SLC39A12: variants seen among roughly 807,000 people sequenced by gnomAD.
SLC39A12 encodes the protein zinc transporter ZIP12.
SLC39A12 carries 63 observed loss-of-function variants against 71.1 expected under a neutral mutation model. The ratio of observed to expected loss-of-function variants is 0.89; its 90% CI spans 0.72 to 1.09. The LOEUF is 1.09. Ranked by LOEUF, SLC39A12 falls within the 50% of genes least tolerant of loss-of-function variation. The pLI is 0.00. For synonymous variants in SLC39A12, 351 were observed against 301.3 expected, an observed-to-expected ratio of 1.16 and a Z score of -1.71; for missense variants, 892 against 812.6, an observed-to-expected ratio of 1.10 and a Z score of -1.19.
intron 7 of SLC39A12, among the ~76,000 whole-genome samples, chr10:17,987,928 C>T (rs920935437): frequency 3.9e-5 from 6 of 152,100 alleles, no homozygotes; most frequent in African/African-American, 1.4e-4. Flanking sequence ...AATCCCAGTA[C>T]CATGGAAGGC....
Position 18,013,578 on chromosome 10 carries a change from C to T in SLC39A12, c.1947+10220C>T, listed in dbSNP as rs559122084. Among the ~76,000 whole-genome samples, 12 of 152,150 alleles carry T rather than the reference C, an allele frequency of 7.9e-5. No individual in the cohort carries two copies. In the East Asian group the frequency reaches 2.1e-3, roughly 27 times the overall value. On this transcript the variant is annotated intron_variant, in intron 12 of 12. Transcript: ENST00000377369. Reference sequence around the variant, plus strand: ...GTACATATGGCATGTCACTATGTTGCCCAGGCTTGTCTTGAACTCTTGGCT... The same window carrying T: ...GTACATATGGCATGTCACTATGTTGTCCAGGCTTGTCTTGAACTCTTGGCT...
At chr10:17,981,706 C>T (rs1041503599) in intron 6 of SLC39A12, among the ~76,000 whole-genome samples, 3 of 152,202 alleles carry the variant, frequency 2.0e-5, no homozygotes, top group African/African-American at 7.2e-5. Context: ...CAAGGACACA[C>T]AGCTGGGAAG....
At chr10:18,012,584 G>T (rs1307688435) in intron 12 of SLC39A12, among the ~76,000 whole-genome samples, 1 of 152,082 alleles carries the variant, frequency 6.6e-6, no homozygotes, top group Non-Finnish European at 1.5e-5. Context: ...CTATTGAAAG[G>T]GTGGCTGGGT....
At chr10:17,997,680 A>G (rs943085861) in intron 10 of SLC39A12, among the ~76,000 whole-genome samples, 1 of 152,174 alleles carries the variant, frequency 6.6e-6, no homozygotes, top group African/African-American at 2.4e-5. Context: ...ATATTACATT[A>G]CTCAACTGCC....
intron 12 of SLC39A12, among the ~76,000 whole-genome samples, chr10:18,020,327 C>G (rs997371949): frequency 3.3e-5 from 5 of 151,918 alleles, no homozygotes; most frequent in Non-Finnish European, 7.4e-5. Context: ...TATAGTATTC[C>G]GTGGTGTATT....
intron 6 of SLC39A12, 48 bp downstream of exon 6, chr10:17,981,531 A>C (rs753848543): frequency 6.8e-7 from 1 of 1,471,754 alleles, no homozygotes; most frequent in Non-Finnish European, 9.3e-7. Flanking sequence ...CAATGTATGC[A>C]ATAATAATAG....
intron 5 of SLC39A12, among the ~76,000 whole-genome samples, chr10:17,980,562 C>T (rs1835228193): frequency 7.1e-6 from 1 of 141,368 alleles, no homozygotes; most frequent in South Asian, 2.3e-4. Flanking sequence ...AACCTTTATT[C>T]TGAGATGGAC....
chr10:17,959,563 C>T (rs529726402), intron 2 of SLC39A12, among the ~76,000 whole-genome samples: 1 of 152,232 alleles, frequency 6.6e-6, no homozygotes, highest in Admixed American at 6.5e-5. Context: ...AGTACAATAT[C>T]CCCACCATGG....
intron 12 of SLC39A12, among the ~76,000 whole-genome samples, chr10:18,040,136 C>T (rs1016409884): frequency 6.6e-6 from 1 of 152,162 alleles, no homozygotes; most frequent in African/African-American, 2.4e-5. Context: ...TGCTAAGTCA[C>T]TTTACTACAA....
At chr10:17,952,506 G>A (rs1352157309) in intron 1 of SLC39A12, among the ~76,000 whole-genome samples, 1 of 61,464 alleles carries the variant, frequency 1.6e-5, no homozygotes, top group South Asian at 5.0e-4. Flanking sequence ...TTTTTTTTTT[G>A]AGATGGAGTC....
chr10:18,004,725 G>T (rs1245565300), intron 12 of SLC39A12, among the ~76,000 whole-genome samples: 1 of 151,880 alleles, frequency 6.6e-6, no homozygotes, highest in Non-Finnish European at 1.5e-5. Context: ...TTTTGACCCA[G>T]CAATCCCATT....
At chr10:17,958,761 C>A (rs2130774572) in intron 2 of SLC39A12, among the ~76,000 whole-genome samples, 1 of 152,250 alleles carries the variant, frequency 6.6e-6, no homozygotes, top group Middle Eastern at 3.4e-3. Context: ...TCCTTGCATA[C>A]CGTACACAAA....
intron 9 of SLC39A12, among the ~76,000 whole-genome samples, chr10:17,993,671 C>T (rs1314292006): frequency 1.3e-5 from 2 of 152,226 alleles, no homozygotes; most frequent in Non-Finnish European, 2.9e-5. Flanking sequence ...CAAGGGATTA[C>T]TTAGTGCACC....
chr10:18,006,540 G>A (rs1836024287), intron 12 of SLC39A12, among the ~76,000 whole-genome samples: 1 of 152,214 alleles, frequency 6.6e-6, no homozygotes, highest in African/African-American at 2.4e-5. Flanking sequence ...ATCCCAGGGA[G>A]CAGAAGTGAA....
rs553833351 is a variant in SLC39A12 at position 18,039,943 on chromosome 10, C to T, written c.1948-2762C>T. Among the ~76,000 whole-genome samples the T allele has an allele frequency of 1.8e-4, 28 of 152,208 alleles. No homozygotes were observed. The South Asian group carries it at 4.8e-3, about 26-fold the overall frequency. ...TCTGAATGTTGAACTAATATCAAGG[C>T]ATTTAGTAAATGAAAGATATTCATT... On this transcript the variant is annotated intron_variant, in intron 12 of 12. Transcript: ENST00000377369.
In SLC39A12 at chr10:17,995,615, C is replaced by T. The variant is rs901897081; in HGVS notation, c.1534-41C>T. 1.9e-6 allele frequency: 3 copies of T among 1,555,180 alleles called. No homozygotes were observed. In the African/African-American group the frequency reaches 4.1e-5, roughly 21 times the overall value. On this transcript the variant is annotated intron_variant, in intron 9 of 12. Coordinates refer to ENST00000377369, the MANE Select transcript of SLC39A12 (RefSeq NM_001145195.2). ...TTTCATTTTTCAACAAAATGATGGC[C>T]ATTACTTATCTTTCATCAGTTATTT...
At position 18,042,705 on chromosome 10, in the gene SLC39A12, C is replaced by G; in HGVS notation, c.1948C>G (p.Leu650Val). ...TTCTGGTTTTTTATTCTTTTTTTAG[C>G]TTCCTGAAATGACTCATGTTCAAAC... is the stretch of plus-strand genomic sequence containing the variant. ...MFLYLSLVEM[L>V]PEMTHVQTQR... Residue 650 changes from leucine (L) to valine (V), a missense_variant and splice_region_variant, in exon 13 of 13, where the codon CTT (leucine) becomes GTT (valine). Coordinates refer to ENST00000377369, the MANE Select transcript of SLC39A12 (RefSeq NM_001145195.2). 7 of 1,597,852 alleles carry G rather than the reference C, an allele frequency of 4.4e-6. No individual in the cohort carries two copies. The highest frequency in any genetic ancestry group is 6.0e-6 in the Non-Finnish European group (7 of 1,174,868).
At chr10:17,964,789 G>A (rs1319132099) in intron 3 of SLC39A12, among the ~76,000 whole-genome samples, 3 of 152,198 alleles carry the variant, frequency 2.0e-5, no homozygotes, top group Admixed American at 6.5e-5. Flanking sequence ...TCAGGGTAGG[G>A]AATGTCAGCT....
intron 12 of SLC39A12, among the ~76,000 whole-genome samples, chr10:18,029,170 C>A (rs1836766814): frequency 6.6e-6 from 1 of 152,102 alleles, no homozygotes; most frequent in Non-Finnish European, 1.5e-5. Flanking sequence ...CGTGCCCAGC[C>A]CAAAACATTT....
Sources: gnomAD v4.1 joint callset for allele counts (sites outside exome capture counted in the v4.1 genomes callset) on GRCh38, gnomAD v4.1.1 for gene constraint, MANE v1.5 for transcripts, NCBI Gene and HGNC (gene_info 2026-07-23, HGNC 2026-07-21) for gene names.